The following IL1RAPL1 variants were observed in gnomAD, a reference collection of about 807,000 sequenced individuals.
IL1RAPL1 encodes the protein interleukin 1 receptor accessory protein like 1.
A neutral mutation model predicts 48.4 loss-of-function variants in IL1RAPL1; 3 were observed. That is an observed-to-expected ratio of 0.06 (90% CI 0.03 to 0.16). The LOEUF (loss-of-function observed/expected upper bound fraction) is 0.16, where lower values mean the gene tolerates loss of function less well. Among genes scored for constraint, IL1RAPL1 ranks in the 10% least tolerant of loss-of-function variants. IL1RAPL1 has a pLI of 1.00. For missense variants in IL1RAPL1, 349 were observed against 530.6 expected (o/e 0.66, Z 3.36); for synonymous variants, 185 against 187.7 (o/e 0.99, Z 0.12).
chrX:28,886,650 G>A (rs1015444612), intron 2 of IL1RAPL1, among the ~76,000 whole-genome samples: 6 of 110,735 alleles, frequency 5.4e-5, no homozygotes, highest in South Asian at 3.8e-4. Context: ...ATGGAAAAAC[G>A]TTTACCAATG....
At chrX:29,098,781 G>A (rs1442359263) in intron 2 of IL1RAPL1, among the ~76,000 whole-genome samples, 1 of 112,770 alleles carries the variant, frequency 8.9e-6, no homozygotes, top group Non-Finnish European at 1.9e-5. Flanking sequence ...AAGATGTTTA[G>A]TCCTTTTTTT....
At chrX:28,844,918 T>A (rs1244085057) in intron 2 of IL1RAPL1, among the ~76,000 whole-genome samples, 1 of 111,753 alleles carries the variant, frequency 8.9e-6, no homozygotes, top group Non-Finnish European at 1.9e-5. Flanking sequence ...GTATTGAGTC[T>A]TTTGTGTCAC....
At chrX:29,283,520 A>T (rs1440941575) in intron 3 of IL1RAPL1, among the ~76,000 whole-genome samples, 1 of 112,610 alleles carries the variant, frequency 8.9e-6, no homozygotes, top group Admixed American at 9.4e-5. Flanking sequence ...ATGTAAGCAA[A>T]GACTTGCAGA....
At chrX:28,695,664 A>C (rs924929673) in intron 1 of IL1RAPL1, among the ~76,000 whole-genome samples, 10 of 112,074 alleles carry the variant, frequency 8.9e-5, no homozygotes, top group African/African-American at 3.2e-4. Flanking sequence ...TAAAATAGTC[A>C]CATGTAATCA....
intron 2 of IL1RAPL1, among the ~76,000 whole-genome samples, chrX:29,230,502 A>G (rs1179095525): frequency 1.3e-5 from 1 of 76,766 alleles, no homozygotes; most frequent in Non-Finnish European, 2.4e-5. Flanking sequence ...TGGTCCCTTT[A>G]CCAAAAAAAA....
chrX:29,781,529 T>C (rs1369372806), intron 6 of IL1RAPL1, among the ~76,000 whole-genome samples: 1 of 111,906 alleles, frequency 8.9e-6, no homozygotes, highest in East Asian at 2.8e-4. Context: ...ATGCTGAACT[T>C]CTAAATTATT....
intron 2 of IL1RAPL1, among the ~76,000 whole-genome samples, chrX:29,057,709 A>G (rs186430170): frequency 1.9e-3 from 217 of 111,729 alleles, no homozygotes; most frequent in African/African-American, 6.5e-3. Context: ...GATTACAGGC[A>G]TGAGCCACCG....
At chrX:29,341,814 T>C (rs1341407201) in intron 3 of IL1RAPL1, among the ~76,000 whole-genome samples, 1 of 111,022 alleles carries the variant, frequency 9.0e-6, no homozygotes, top group Non-Finnish European at 1.9e-5. Context: ...TTGATTCTTT[T>C]TTTAATTTTT....
intron 3 of IL1RAPL1, among the ~76,000 whole-genome samples, chrX:29,307,879 C>G (rs991290387): frequency 2.7e-5 from 3 of 111,961 alleles, no homozygotes; most frequent in Non-Finnish European, 5.6e-5. Flanking sequence ...AGTCAAGTAA[C>G]TAGGTTATTG....
chrX:29,697,033 C>T (rs1441271258), intron 6 of IL1RAPL1, among the ~76,000 whole-genome samples: 1 of 111,668 alleles, frequency 9.0e-6, no homozygotes, highest in East Asian at 2.8e-4. Context: ...ATTCCAAAGC[C>T]TCTGCTGTTT....
At chrX:29,504,465 A>C (rs1287994142) in intron 5 of IL1RAPL1, among the ~76,000 whole-genome samples, 1 of 111,843 alleles carries the variant, frequency 8.9e-6, no homozygotes, top group Non-Finnish European at 1.9e-5. Flanking sequence ...ATTGCAGTCC[A>C]TCTCTCCTTT....
At chrX:29,152,503 T>G (rs1437949163) in intron 2 of IL1RAPL1, among the ~76,000 whole-genome samples, 1 of 112,003 alleles carries the variant, frequency 8.9e-6, no homozygotes, top group Non-Finnish European at 1.9e-5. Context: ...ACTCACACTG[T>G]GGGCATTTGT....
intron 3 of IL1RAPL1, among the ~76,000 whole-genome samples, chrX:29,350,191 T>TTATA (rs397897010): frequency 0.081 from 3,175 of 39,262 alleles, 175 homozygotes; most frequent in Middle Eastern, 0.098. Flanking sequence ...TACTGTTATT[T>TTATA]TATATATATA....
intron 2 of IL1RAPL1, among the ~76,000 whole-genome samples, chrX:29,210,571 A>G (rs1183317844): frequency 8.9e-6 from 1 of 112,284 alleles, no homozygotes; most frequent in African/African-American, 3.2e-5. Context: ...GAATGACAAT[A>G]ATCTAACTTC....
rs928024617 is a variant in IL1RAPL1, at chrX:28,791,315, T to G, written c.82+1890T>G. On this transcript the variant is annotated intron_variant, in intron 2 of 10. Transcript: ENST00000378993. ...ACATGGGGCAGTTGGAAAATGCAAA[T>G]TTAATATAAATGCAAATATTAAAAT... Among the ~76,000 whole-genome samples, 3 of 111,524 alleles carry G rather than the reference T, an allele frequency of 2.7e-5. No individual in the cohort carries two copies. The East Asian group carries it at 8.4e-4, about 31-fold the overall frequency.
At chrX:29,846,786 G>A (rs1220114035) in intron 6 of IL1RAPL1, among the ~76,000 whole-genome samples, 16 of 47,786 alleles carry the variant, frequency 3.3e-4, no homozygotes, top group African/African-American at 1.5e-3. Flanking sequence ...ATGTATATAT[G>A]TATATATATG....
intron 2 of IL1RAPL1, among the ~76,000 whole-genome samples, chrX:29,064,726 C>T (rs556680166): frequency 1.9e-4 from 21 of 110,636 alleles, no homozygotes; most frequent in Non-Finnish European, 3.6e-4. Context: ...GGACTACAGG[C>T]GCCCGCCACC....
At chrX:29,190,763 A>G (rs1032627055) in intron 2 of IL1RAPL1, among the ~76,000 whole-genome samples, 2 of 112,480 alleles carry the variant, frequency 1.8e-5, no homozygotes, top group Non-Finnish European at 3.8e-5. Context: ...TTTATGGCTT[A>G]TGCCAATACA....
chrX:29,737,655 G>T (rs1208843958), intron 6 of IL1RAPL1, among the ~76,000 whole-genome samples: 2 of 112,130 alleles, frequency 1.8e-5, no homozygotes, highest in Non-Finnish European at 3.8e-5. Context: ...TAAAAAATGA[G>T]TATTTTGTCT....
Sources: gnomAD v4.1 joint callset for allele counts (sites outside exome capture counted in the v4.1 genomes callset) on GRCh38, gnomAD v4.1.1 for gene constraint, MANE v1.5 for transcripts, NCBI Gene and HGNC (gene_info 2026-07-23, HGNC 2026-07-21) for gene names.